The following PTPRT variants were observed in gnomAD, a reference collection of about 807,000 sequenced individuals.
PTPRT encodes the protein protein tyrosine phosphatase receptor type T.
In PTPRT, 56 loss-of-function variants were observed where a neutral mutation model predicts 176.8. The observed-to-expected ratio is 0.32, with a 90% CI of 0.26 to 0.40. The LOEUF is 0.40. Among genes scored for constraint, PTPRT ranks in the 10% least tolerant of loss-of-function variants. The pLI is 1.00. For synonymous variants in PTPRT, 783 were observed against 739.0 expected, an observed-to-expected ratio of 1.06 and a Z score of -0.96; for missense variants, 1,540 against 1,908.2, an observed-to-expected ratio of 0.81 and a Z score of 3.60.
At chr20:42,110,302 G>T (rs746958999) in intron 23 of PTPRT, 31 bp downstream of exon 23, 3 of 1,561,776 alleles carry the variant, frequency 1.9e-6, no homozygotes, top group Non-Finnish European at 2.6e-6. Flanking sequence ...TGCCCGCCTC[G>T]GCCTCCCAAG....
At chr20:42,234,965 T>C (rs2056210802) in intron 15 of PTPRT, among the ~76,000 whole-genome samples, 1 of 152,148 alleles carries the variant, frequency 6.6e-6, no homozygotes, top group Non-Finnish European at 1.5e-5. Context: ...TAAAGCTGAG[T>C]TTGCCAGAGG....
chr20:42,259,552 A>C (rs1265248079), intron 13 of PTPRT, among the ~76,000 whole-genome samples: 1 of 152,166 alleles, frequency 6.6e-6, no homozygotes, highest in East Asian at 1.9e-4. Context: ...TGGGGTAGAG[A>C]GAGGATTCAG....
chr20:42,115,434 C>T (rs188054486), intron 21 of PTPRT, 119 bp from the exon 22 acceptor site: 91 of 762,588 alleles, frequency 1.2e-4, no homozygotes, highest in Non-Finnish European at 1.4e-4. Flanking sequence ...CCAAGGGTGA[C>T]TTTGGTGGCA....
intron 9 of PTPRT, among the ~76,000 whole-genome samples, chr20:42,405,210 T>C (rs1316266551): frequency 2.0e-5 from 3 of 151,440 alleles, no homozygotes; most frequent in African/African-American, 4.9e-5. Context: ...TTTTTTATTA[T>C]ACTTTAAGTT....
At position 43,097,987 on chromosome 20, in the gene PTPRT, A is replaced by G. The variant is rs111587478; in HGVS notation, c.88+91659T>C. Among the ~76,000 whole-genome samples, 473 of 152,260 alleles carry G rather than the reference A, an allele frequency of 3.1e-3. 6 individuals carry two copies. Among genetic ancestry groups the G allele is most frequent in the African/African-American group, 0.01 (431 of 41,562 alleles). Reference sequence around the variant, plus strand: ...AAAGCAAGCAGGGAGGCTTCCGAAGATGACCCCCAGGCTATGCCTTGGCAG... The same window carrying G: ...AAAGCAAGCAGGGAGGCTTCCGAAGGTGACCCCCAGGCTATGCCTTGGCAG... On this transcript the variant is annotated intron_variant, in intron 1 of 30. Coordinates refer to ENST00000373187, the MANE Select transcript of PTPRT (RefSeq NM_007050.6).
intron 17 of PTPRT, 58 bp downstream of exon 17, chr20:42,161,294 A>C: frequency 6.3e-7 from 1 of 1,592,918 alleles, no homozygotes; most frequent in Non-Finnish European, 8.6e-7. Flanking sequence ...GCAAGGCTTT[A>C]GTGCCCAAAT....
chr20:42,398,527 T>C (rs2058873510), intron 9 of PTPRT, among the ~76,000 whole-genome samples: 1 of 152,198 alleles, frequency 6.6e-6, no homozygotes. Flanking sequence ...ATGATGAGTG[T>C]ATTATTTCAT....
Position 42,356,378 on chromosome 20 carries a change from G to T in PTPRT, c.1561-4093C>A, listed in dbSNP as rs1358299304. On this transcript the variant is annotated intron_variant, in intron 9 of 30. Transcript: ENST00000373187. ...TTGCTGACAGTAGGATCCACAGCCA[G>T]AAACCAAAGCAGGTGCTTCATAACA... is the stretch of plus-strand genomic sequence containing the variant. Among the ~76,000 whole-genome samples, 3 of 152,090 alleles carry T rather than the reference G, an allele frequency of 2.0e-5. No homozygotes were observed. In the East Asian group the frequency reaches 5.8e-4, roughly 29 times the overall value.
intron 15 of PTPRT, among the ~76,000 whole-genome samples, chr20:42,229,652 C>T (rs947148000): frequency 6.6e-6 from 1 of 152,170 alleles, no homozygotes; most frequent in African/African-American, 2.4e-5. Flanking sequence ...AGGCATTTTA[C>T]ATTATGTCCA....
At chr20:42,859,833 C>A (rs2078630874) in intron 2 of PTPRT, among the ~76,000 whole-genome samples, 1 of 151,600 alleles carries the variant, frequency 6.6e-6, no homozygotes, top group Admixed American at 6.6e-5. Context: ...ACCTCGTGAT[C>A]CACCCGCCTG....
intron 1 of PTPRT, among the ~76,000 whole-genome samples, chr20:43,033,619 T>G (rs907579225): frequency 1.3e-5 from 2 of 152,134 alleles, no homozygotes; most frequent in African/African-American, 2.4e-5. Context: ...ACCATAATAA[T>G]GAAAAGATGA....
chr20:42,949,018 A>T (rs1209318163), intron 1 of PTPRT, among the ~76,000 whole-genome samples: 1 of 152,084 alleles, frequency 6.6e-6, no homozygotes, highest in Non-Finnish European at 1.5e-5. Context: ...TCCTCATCCC[A>T]CTGTTGGATA....
chr20:42,560,490 C>A (rs994134424), intron 7 of PTPRT, among the ~76,000 whole-genome samples: 1 of 152,160 alleles, frequency 6.6e-6, no homozygotes, highest in Non-Finnish European at 1.5e-5. Context: ...GTAGCACACT[C>A]GCCAGGTTGT....
At chr20:42,612,797 A>G (rs1167192736) in intron 7 of PTPRT, among the ~76,000 whole-genome samples, 2 of 152,096 alleles carry the variant, frequency 1.3e-5, no homozygotes, top group Non-Finnish European at 2.9e-5. Flanking sequence ...AAAATTTCCA[A>G]AGAGAGACAA....
intron 5 of PTPRT, among the ~76,000 whole-genome samples, chr20:42,760,283 T>C (rs2076895962): frequency 6.6e-6 from 1 of 152,144 alleles, no homozygotes; most frequent in Non-Finnish European, 1.5e-5. Flanking sequence ...GGCACTTTCC[T>C]GTCTCTGCCT....
At chr20:42,182,906 G>T (rs1338516826) in intron 16 of PTPRT, among the ~76,000 whole-genome samples, 1 of 107,330 alleles carries the variant, frequency 9.3e-6, no homozygotes, top group Admixed American at 1.0e-4. Context: ...CTACAAGCAG[G>T]GGTGTGTGTG....
intron 6 of PTPRT, among the ~76,000 whole-genome samples, 187 bp downstream of exon 6, chr20:42,756,275 G>A (rs1195783331): frequency 1.3e-5 from 2 of 152,226 alleles, no homozygotes; most frequent in Non-Finnish European, 2.9e-5. Context: ...GCAATGCAAT[G>A]TTGCATGATT....
chr20:42,792,134 T>C (rs930407193), intron 2 of PTPRT, among the ~76,000 whole-genome samples: 4 of 152,178 alleles, frequency 2.6e-5, no homozygotes, highest in Non-Finnish European at 5.9e-5. Context: ...AATACACACA[T>C]GGAGGACACC....
At chr20:42,679,291 T>C (rs1261703902) in intron 6 of PTPRT, among the ~76,000 whole-genome samples, 1 of 148,892 alleles carries the variant, frequency 6.7e-6, no homozygotes, top group Non-Finnish European at 1.5e-5. Context: ...ACCTTAACTT[T>C]AATGGGGAAA....
Sources: allele counts gnomAD v4.1 joint callset (sites outside exome capture counted in the v4.1 genomes callset), GRCh38; gene constraint gnomAD v4.1.1; transcripts MANE v1.5; gene names NCBI Gene and HGNC (gene_info 2026-07-23, HGNC 2026-07-21).